ARL6IP6: variants seen among roughly 807,000 people sequenced by gnomAD.
ARL6IP6 encodes ADP-ribosylation factor-like protein 6-interacting protein 6.
ARL6IP6 carries 22 observed loss-of-function variants against 21.5 expected under a neutral mutation model. That is an observed-to-expected ratio of 1.02 (90% CI 0.73 to 1.46). The LOEUF is 1.46. Among genes scored for constraint, ARL6IP6 ranks in the 40% most tolerant of loss-of-function variants. The pLI, the probability that ARL6IP6 is intolerant of heterozygous loss-of-function variation, is 0.00. For missense variants in ARL6IP6, 388 were observed against 299.8 expected, an observed-to-expected ratio of 1.29 and a Z score of -2.17; for synonymous variants, 164 against 125.3, an observed-to-expected ratio of 1.31 and a Z score of -2.06.
chr2:152,724,595 C>T (rs1461073683), intron 2 of ARL6IP6, among the ~76,000 whole-genome samples: 1 of 152,196 alleles, frequency 6.6e-6, no homozygotes, highest in Non-Finnish European at 1.5e-5. Context: ...AAGAACCAGA[C>T]ATTAGGACCC....
chr2:152,718,527 T>C, upstream of ARL6IP6: 3 of 1,473,064 alleles, frequency 2.0e-6, no homozygotes, highest in Non-Finnish European at 2.7e-6. Flanking sequence ...CTCTGAGGCC[T>C]GGTGGTAGCG....
At chr2:152,725,432 A>G (rs976768913) in intron 2 of ARL6IP6, among the ~76,000 whole-genome samples, 7 of 152,178 alleles carry the variant, frequency 4.6e-5, no homozygotes, top group African/African-American at 1.4e-4. Context: ...ACTGTTTGTA[A>G]GTGGACAGAT....
chr2:152,721,698 C>G (rs1699797826), intron 2 of ARL6IP6, among the ~76,000 whole-genome samples: 1 of 152,182 alleles, frequency 6.6e-6, no homozygotes. Context: ...CACATGTCCT[C>G]CCCTCTCCCA....
rs199530906 is a variant in ARL6IP6 at position 152,720,583 on chromosome 2, T to C, written c.451T>C (p.Leu151=). The C allele has an allele frequency of 1.1e-5, 18 of 1,613,518 alleles. No homozygotes were observed. The highest frequency in any genetic ancestry group is 1.5e-5 in the Non-Finnish European group (18 of 1,179,640). ...TGAAGATGATGTAGACACTGGACTA[T>C]TAGGTATGGACTTAATTGCCGCTTG... is the stretch of plus-strand genomic sequence containing the variant. ...KNEDDVDTGL[L]GFWTLLIISL... Residue 151 remains leucine, a synonymous_variant, in exon 2 of 4, where the codon TTA becomes CTA. Transcript: ENST00000326446.
At position 152,759,920 on chromosome 2, in the gene ARL6IP6, CAG is replaced by C; in HGVS notation, c.*82_*83del. 1.7e-6 allele frequency: 2 copies of C among 1,211,930 alleles called. No homozygotes were observed. Among genetic ancestry groups the C allele is most frequent in the African/African-American group, 1.5e-5 (1 of 66,844 alleles). The allele number at this position is 1,211,930 out of a possible 1,614,324, so 75.1% of individuals were successfully genotyped here. On this transcript the variant is annotated 3_prime_UTR_variant, in exon 4 of 4. Transcript: ENST00000326446. ...ACAAGAAGGAGCATCACTGTCTACT[CAG>C]AAGACTGAGAAACCTGCTGTTCATT...
chr2:152,717,727 T>G, upstream of ARL6IP6: 2 of 1,337,908 alleles, frequency 1.5e-6, no homozygotes, highest in Non-Finnish European at 1.9e-6. Flanking sequence ...AAGACAACAG[T>G]GTCCCAGCTT....
chr2:152,744,265 C>T (rs2105156751), intron 3 of ARL6IP6, among the ~76,000 whole-genome samples: 1 of 152,184 alleles, frequency 6.6e-6, no homozygotes. Context: ...TTTATCATAA[C>T]TAGACTCAGT....
At chr2:152,726,183 T>TA (rs1241968546) in intron 2 of ARL6IP6, among the ~76,000 whole-genome samples, 5 of 152,250 alleles carry the variant, frequency 3.3e-5, no homozygotes, top group Non-Finnish European at 7.3e-5. Flanking sequence ...TCTAATGATT[T>TA]ACCAATGTTG....
chr2:152,718,469 C>T (rs1002755700), upstream of ARL6IP6: 1 of 1,099,016 alleles, frequency 9.1e-7, no homozygotes, highest in Non-Finnish European at 1.2e-6. Context: ...CCTGCGGCTT[C>T]CTTTGCAACC....
chr2:152,757,485 ATAT>A (rs1230410981), intron 3 of ARL6IP6, among the ~76,000 whole-genome samples: 5 of 152,278 alleles, frequency 3.3e-5, no homozygotes, highest in Middle Eastern at 3.4e-3. Flanking sequence ...ATTGAAGATA[ATAT>A]TTTCATTTTA....
intron 2 of ARL6IP6, among the ~76,000 whole-genome samples, chr2:152,724,126 A>AG (rs1161756107): frequency 1.2e-4 from 12 of 100,158 alleles, no homozygotes; most frequent in Middle Eastern, 8.8e-3. Context: ...AAAAAAAAAA[A>AG]AGAGAGAAAG....
At chr2:152,751,665 G>C (rs1701338657) in intron 3 of ARL6IP6, among the ~76,000 whole-genome samples, 1 of 151,956 alleles carries the variant, frequency 6.6e-6, no homozygotes, top group Non-Finnish European at 1.5e-5. Flanking sequence ...TTCACTTAAT[G>C]TCCCCCAGAC....
intron 1 of ARL6IP6, among the ~76,000 whole-genome samples, chr2:152,719,309 T>C (rs1460359659): frequency 6.6e-6 from 1 of 152,156 alleles, no homozygotes; most frequent in African/African-American, 2.4e-5. Context: ...GATGAAATAT[T>C]GTGAAGATTA....
At chr2:152,740,563 T>A (rs889410541) in intron 3 of ARL6IP6, among the ~76,000 whole-genome samples, 2 of 151,948 alleles carry the variant, frequency 1.3e-5, no homozygotes, top group Admixed American at 6.6e-5. Flanking sequence ...TTTCTATACA[T>A]ACAAAATTTA....
upstream of ARL6IP6, chr2:152,717,667 G>A (rs1699182874): frequency 2.1e-6 from 3 of 1,419,566 alleles, no homozygotes; most frequent in Admixed American, 2.9e-5. Flanking sequence ...GGAAGTTTCT[G>A]CGCCGAGTCC....
chr2:152,757,804 C>G (rs778612317), intron 3 of ARL6IP6, among the ~76,000 whole-genome samples: 4 of 152,194 alleles, frequency 2.6e-5, no homozygotes, highest in Admixed American at 2.0e-4. Flanking sequence ...CCACTACTCC[C>G]GAGCATTTTT....
Position 152,719,011 on chromosome 2 carries a change from C to A in ARL6IP6, c.387C>A (p.Tyr129Ter). The A allele has an allele frequency of 6.4e-7, 1 of 1,571,814 alleles. No homozygotes were observed. Among genetic ancestry groups the A allele is most frequent in the Non-Finnish European group, 8.6e-7 (1 of 1,156,848 alleles). ...TCGCCTTCCTCCTCGCCATCGCCTA[C>A]TTGATCGTTAAAGGTATTGAAGCCG... ...ILLAFLLAIA[Y>*]LIVKELHAEN... The change falls in exon 1 of 4, where the codon TAC (tyrosine) becomes TAA (stop). Residue 129 changes from tyrosine to a stop codon, truncating the protein, a stop_gained. Transcript: ENST00000326446. LOFTEE classifies it high-confidence loss of function.
chr2:152,748,147 T>G (rs1209139440), intron 3 of ARL6IP6, among the ~76,000 whole-genome samples: 4 of 152,212 alleles, frequency 2.6e-5, no homozygotes, highest in Non-Finnish European at 5.9e-5. Context: ...TATTTTTTCC[T>G]TAAGGAGAGA....
rs1438812689 is a variant in ARL6IP6, at chr2:152,747,568, T to TC, written c.588-12179_588-12178insC. On this transcript the variant is annotated intron_variant, in intron 3 of 3. Transcript: ENST00000326446. ...CTGACTCCTTACTCATTTCTCTCTC[T>TC]TTTTTTTTTTCCTTTTTTTGTTGGT... Among the ~76,000 whole-genome samples the TC allele has an allele frequency of 3.0e-3, 436 of 146,978 alleles. 2 individuals are homozygous for TC. The highest frequency in any genetic ancestry group is 0.01 in the African/African-American group (415 of 40,186).
Sources: allele counts gnomAD v4.1 joint callset (sites outside exome capture counted in the v4.1 genomes callset), GRCh38; gene constraint gnomAD v4.1.1; transcripts MANE v1.5; gene names NCBI Gene and HGNC (gene_info 2026-07-23, HGNC 2026-07-21).